The following LRGUK variants were observed in gnomAD, a reference collection of about 807,000 sequenced individuals.
The protein encoded by LRGUK is leucine-rich repeat and guanylate kinase domain-containing protein.
Under a neutral mutation model 76.0 loss-of-function variants are expected in LRGUK, and 65 were observed. The ratio of observed to expected loss-of-function variants is 0.85; its 90% CI spans 0.70 to 1.05. The LOEUF (loss-of-function observed/expected upper bound fraction) is 1.05, where lower values mean the gene tolerates loss of function less well. Ranked by LOEUF, LRGUK falls within the 50% of genes least tolerant of loss-of-function variation. The probability of loss-of-function intolerance (pLI) is 0.00; values close to 1 mark genes in which losing one functional copy is unlikely to be tolerated. For synonymous variants in LRGUK, 268 were observed against 265.6 expected, an observed-to-expected ratio of 1.01 and a Z score of -0.09; for missense variants, 758 against 732.8, an observed-to-expected ratio of 1.03 and a Z score of -0.40.
chr7:134,159,783 C>T (rs746011548), intron 6 of LRGUK, among the ~76,000 whole-genome samples: 28 of 152,058 alleles, frequency 1.8e-4, no homozygotes, highest in Non-Finnish European at 3.5e-4. Context: ...AGCAAGACTC[C>T]GTCTCAAAAA....
chr7:134,138,706 C>T (rs557865322), intron 2 of LRGUK, among the ~76,000 whole-genome samples: 10 of 152,258 alleles, frequency 6.6e-5, no homozygotes, highest in Admixed American at 2.6e-4. Context: ...TCCGCCATCA[C>T]GACATAAAAC....
intron 18 of LRGUK, among the ~76,000 whole-genome samples, chr7:134,254,872 A>G (rs1239102699): frequency 6.6e-6 from 1 of 152,124 alleles, no homozygotes; most frequent in East Asian, 1.9e-4. Flanking sequence ...GGTTCAGAAA[A>G]CTGTTGATAA....
intron 5 of LRGUK, among the ~76,000 whole-genome samples, chr7:134,152,544 T>G (rs1429223680): frequency 6.6e-6 from 1 of 152,076 alleles, no homozygotes; most frequent in Non-Finnish European, 1.5e-5. Flanking sequence ...AGATATTGTA[T>G]TACATCCATT....
At chr7:134,243,587 G>T (rs1454344988) in intron 16 of LRGUK, among the ~76,000 whole-genome samples, 2 of 151,000 alleles carry the variant, frequency 1.3e-5, no homozygotes, top group East Asian at 1.9e-4. Context: ...CCATGCTCAT[G>T]GATAGGAAGA....
At position 134,197,015 on chromosome 7, in the gene LRGUK, T is replaced by G. The variant is rs769926550; in HGVS notation, c.1455T>G (p.Ser485Arg). The stretch of plus-strand genomic sequence containing the variant: ...AGGGGAAATTCATTCTAACATTTAG[T>G]TATGGTAATCACAAGTATGGATTAA... The change falls in exon 13 of 16, where the codon AGT (serine) becomes AGG (arginine). Residue 485 changes from serine (S) to arginine (R), a missense_variant. Ser to Arg is a moderately radical substitution (Grantham distance 110, BLOSUM62 -1). Coordinates refer to ENST00000645682, the Ensembl canonical transcript of LRGUK. 6.2e-5 allele frequency: 100 copies of G among 1,602,506 alleles called. No homozygotes were observed. Among genetic ancestry groups the G allele is most frequent in the Non-Finnish European group, 8.0e-5 (94 of 1,171,760 alleles).
intron 15 of LRGUK, among the ~76,000 whole-genome samples, chr7:134,203,731 G>C (rs923224625): frequency 4.6e-5 from 7 of 152,118 alleles, no homozygotes; most frequent in African/African-American, 1.7e-4. Flanking sequence ...CATTAGATTG[G>C]GAGCATGTCA....
chr7:134,273,864 G>T, the LRGUK span, among the ~76,000 whole-genome samples: 2 of 152,096 alleles, frequency 1.3e-5, no homozygotes, highest in South Asian at 4.2e-4. Context: ...ATATTTTTGT[G>T]AAAGTGATTT....
intron 7 of LRGUK, among the ~76,000 whole-genome samples, chr7:134,170,049 G>A (rs901042902): frequency 2.6e-5 from 4 of 151,830 alleles, no homozygotes; most frequent in African/African-American, 9.7e-5. Flanking sequence ...TGTCACTCTG[G>A]TAGAGAAAAA....
At chr7:134,221,885 T>G (rs1169488289) in exon 16 of LRGUK, 2 of 1,596,110 alleles carry the variant, frequency 1.3e-6, no homozygotes, top group Non-Finnish European at 1.7e-6. Context: ...TCATTAAATT[T>G]TGGGCCAAAC....
the LRGUK span, among the ~76,000 whole-genome samples, chr7:134,271,316 C>A: frequency 6.6e-6 from 1 of 151,756 alleles, no homozygotes; most frequent in East Asian, 1.9e-4. Flanking sequence ...ATATGGCCAA[C>A]TTTGTCAATC....
chr7:134,146,481 T>A (rs1474461434), intron 4 of LRGUK, among the ~76,000 whole-genome samples: 1 of 152,218 alleles, frequency 6.6e-6, no homozygotes, highest in African/African-American at 2.4e-5. Flanking sequence ...AATGTTAAAC[T>A]CCATTTACAT....
chr7:134,214,933 A>G, downstream of LRGUK, among the ~76,000 whole-genome samples: 1 of 152,124 alleles, frequency 6.6e-6, no homozygotes, highest in Non-Finnish European at 1.5e-5. Flanking sequence ...TCCAGAAGTT[A>G]GATGCTGTGT....
chr7:134,234,903 CAA>C (rs34777293), intron 16 of LRGUK, among the ~76,000 whole-genome samples: 2 of 152,086 alleles, frequency 1.3e-5, no homozygotes, highest in Non-Finnish European at 2.9e-5. Context: ...GTTATCAGGC[CAA>C]AAACTTTGTA....
chr7:134,209,416 A>T (rs868147845), exon 16 of LRGUK: 1 of 399,000 alleles, frequency 2.5e-6, no homozygotes, highest in Admixed American at 4.4e-5. Context: ...AAACCTCCAA[A>T]CCGGAAGCCA....
At chr7:134,240,318 G>A (rs765529312) in intron 16 of LRGUK, among the ~76,000 whole-genome samples, 24 of 152,256 alleles carry the variant, frequency 1.6e-4, no homozygotes, top group East Asian at 1.2e-3. Context: ...AAGATTAGAC[G>A]AATGGCTAAC....
chr7:134,140,630 C>A (rs1198510450), intron 3 of LRGUK, among the ~76,000 whole-genome samples: 1 of 152,076 alleles, frequency 6.6e-6, no homozygotes, highest in Non-Finnish European at 1.5e-5. Context: ...CTTTTGCCTG[C>A]CTTTTTTATG....
chr7:134,156,392 T>G (rs1798460444), intron 5 of LRGUK, among the ~76,000 whole-genome samples: 1 of 152,210 alleles, frequency 6.6e-6, no homozygotes, highest in Non-Finnish European at 1.5e-5. Context: ...CACTTATTTG[T>G]GTATTTAAAA....
At chr7:134,275,047 C>CT in the LRGUK span, among the ~76,000 whole-genome samples, 1 of 151,900 alleles carries the variant, frequency 6.6e-6, no homozygotes. Flanking sequence ...TTTTGCTATA[C>CT]TTTTTTTGCT....
At chr7:134,143,072 T>C (rs1471322555) in exon 4 of LRGUK, 3 of 1,578,028 alleles carry the variant, frequency 1.9e-6, no homozygotes, top group Non-Finnish European at 8.7e-7. Flanking sequence ...ATTTATCTTG[T>C]GTGAGTTGTA....
Sources: gnomAD v4.1 joint callset for allele counts (sites outside exome capture counted in the v4.1 genomes callset) on GRCh38, gnomAD v4.1.1 for gene constraint, MANE v1.5 for transcripts, NCBI Gene and HGNC (gene_info 2026-07-23, HGNC 2026-07-21) for gene names.